Variants in PIK3CB observed in about 807,000 individuals in gnomAD.
The protein encoded by PIK3CB is phosphatidylinositol 4,5-bisphosphate 3-kinase catalytic subunit beta isoform.
PIK3CB carries 39 observed loss-of-function variants against 136.8 expected under a neutral mutation model. The ratio of observed to expected loss-of-function variants is 0.29; its 90% confidence interval spans 0.22 to 0.37. The LOEUF (loss-of-function observed/expected upper bound fraction) is 0.37, where lower values mean the gene tolerates loss of function less well. PIK3CB is among the 10% of genes least tolerant of loss of function. PIK3CB has a pLI of 1.00. For missense variants in PIK3CB, 868 were observed against 1,275.4 expected, an observed-to-expected ratio of 0.68 and a Z score of 4.87; for synonymous variants, 428 against 436.6, an observed-to-expected ratio of 0.98 and a Z score of 0.25.
intron 1 of PIK3CB, chr3:138,824,979 G>C: frequency 5.1e-6 from 1 of 196,568 alleles, no homozygotes; most frequent in Non-Finnish European, 1.1e-5. Context: ...AGGATCACTT[G>C]AACCTGGGGA....
intron 20 of PIK3CB, 119 bp downstream of exon 20, chr3:138,664,917 A>C (rs1344812087): frequency 8.9e-6 from 5 of 561,354 alleles, no homozygotes; most frequent in Non-Finnish European, 1.5e-5. Context: ...ACAAGAAATG[A>C]AGCAATAGAT....
chr3:138,715,943 A>G (rs1264239003), intron 8 of PIK3CB, among the ~76,000 whole-genome samples: 1 of 152,106 alleles, frequency 6.6e-6, no homozygotes, highest in East Asian at 1.9e-4. Flanking sequence ...TAAATGATTA[A>G]AAGCTAAAGA....
intron 2 of PIK3CB, among the ~76,000 whole-genome samples, chr3:138,781,506 G>A (rs965775369): frequency 2.1e-4 from 32 of 151,498 alleles, no homozygotes; most frequent in African/African-American, 7.7e-4. Flanking sequence ...AGGCTGGAGT[G>A]CAGTGGTGCA....
At position 138,707,290 on chromosome 3, in the gene PIK3CB, C is replaced by G; in HGVS notation, c.1400-1G>C. 4 of 1,587,838 alleles carry G rather than the reference C, an allele frequency of 2.5e-6. No homozygotes were observed. The highest frequency in any genetic ancestry group is 2.3e-5 in the East Asian group (1 of 44,382). On this transcript the variant is annotated splice_acceptor_variant, in intron 10 of 23. Coordinates refer to ENST00000674063, the MANE Select transcript of PIK3CB (RefSeq NM_006219.3). LOFTEE classifies it high-confidence loss of function. ...GGATTCAACATTTCTTCGAGTTCATCTAAAACATGCAAATAATTTTGGTTC... is the reference window on the plus strand; with the variant it reads ...GGATTCAACATTTCTTCGAGTTCATGTAAAACATGCAAATAATTTTGGTTC...
chr3:138,707,235 G>C lies in PIK3CB; in HGVS notation c.1454C>G (p.Thr485Ser). Reference protein sequence around the residue: ...PMGTVQTNPYTENATALHVKF... With the variant: ...PMGTVQTNPYSENATALHVKF... ...AACATGCAAAGCTGTTGCATTTTCA[G>C]TATATGGATTTGTTTGAACAGTTCC... Residue 485 changes from threonine (T) to serine (S), a missense_variant, in exon 11 of 24, where the codon ACT (threonine) becomes AGT (serine). This residue lies in a region of PIK3CB where 612 missense variants were observed against 801.1 expected (regional missense o/e 0.76). Coordinates refer to ENST00000674063, the MANE Select transcript of PIK3CB (RefSeq NM_006219.3). 6.2e-7 allele frequency: 1 copy of C among 1,612,694 alleles called. No individual in the cohort carries two copies. The highest frequency in any genetic ancestry group is 8.5e-7 in the Non-Finnish European group (1 of 1,179,026).
chr3:138,779,969 T>A (rs923546908), intron 2 of PIK3CB, among the ~76,000 whole-genome samples: 1 of 152,130 alleles, frequency 6.6e-6, no homozygotes. Context: ...ACTTTTTTTT[T>A]TCTTTTGAGA....
chr3:138,726,081 T>C (rs930457111), intron 8 of PIK3CB, among the ~76,000 whole-genome samples: 1 of 152,246 alleles, frequency 6.6e-6, no homozygotes, highest in Non-Finnish European at 1.5e-5. Context: ...TTTCAAGTCT[T>C]CTTGCAGGGC....
chr3:138,800,524 C>T (rs1242811676), intron 1 of PIK3CB, among the ~76,000 whole-genome samples: 1 of 150,746 alleles, frequency 6.6e-6, no homozygotes, highest in Non-Finnish European at 1.5e-5. Flanking sequence ...ACTATGTGGT[C>T]CAGGCTGGTC....
At chr3:138,813,973 T>C (rs1010718108) in intron 1 of PIK3CB, among the ~76,000 whole-genome samples, 4 of 152,074 alleles carry the variant, frequency 2.6e-5, no homozygotes, top group African/African-American at 9.7e-5. Flanking sequence ...AAGAGCCAAG[T>C]TGGGGACAGG....
At position 138,834,235 on chromosome 3, in the gene PIK3CB, G is replaced by A. The variant is rs140713823; in HGVS notation, c.-122+460C>T. On this transcript the variant is annotated intron_variant, in intron 1 of 23. Transcript: ENST00000674063. ...CCAGGACTGGTCAGCAGCGGCGTTG[G>A]GATTCGAAAACATGTCCATAACCTA... is the stretch of plus-strand genomic sequence containing the variant. Among the ~76,000 whole-genome samples the A allele has an allele frequency of 2.9e-3, 446 of 152,348 alleles. 1 individual carries two copies. The highest frequency in any genetic ancestry group is 5.4e-3 in the Non-Finnish European group (368 of 68,028).
rs552966643 is a variant in PIK3CB at position 138,761,639 on chromosome 3, G to A, written c.-16-2280C>T. 1.5e-4 allele frequency among the ~76,000 whole-genome samples: 23 copies of A among 151,424 alleles called. No homozygotes were observed. In the East Asian group the frequency reaches 3.5e-3, roughly 23 times the overall value. ...ACAAAAATTAGCCAGGCATGGTGGC[G>A]GGTGCCTGTAATCCCAGCTACTCAG... On this transcript the variant is annotated intron_variant, in intron 2 of 23. Transcript: ENST00000674063.
chr3:138,795,323 TAAA>T (rs56912195), intron 2 of PIK3CB, among the ~76,000 whole-genome samples: 26 of 112,352 alleles, frequency 2.3e-4, no homozygotes, highest in Admixed American at 6.0e-4. Flanking sequence ...CTCTGTCTTT[TAAA>T]AAAAAAAAAA....
chr3:138,768,685 G>A (rs1461795542), intron 2 of PIK3CB, among the ~76,000 whole-genome samples: 7 of 152,184 alleles, frequency 4.6e-5, no homozygotes, highest in Admixed American at 6.5e-5. Context: ...GCTGCCCTCA[G>A]CCTCCCCTCA....
intron 2 of PIK3CB, among the ~76,000 whole-genome samples, chr3:138,787,021 G>T (rs2045988067): frequency 1.3e-5 from 2 of 152,130 alleles, no homozygotes; most frequent in South Asian, 4.1e-4. Context: ...CAAAGGACCA[G>T]AAACAGTAAG....
chr3:138,681,911 A>G (rs1046878798), intron 19 of PIK3CB, 56 bp downstream of exon 19: 11 of 1,013,232 alleles, frequency 1.1e-5, no homozygotes, highest in East Asian at 2.4e-5. Context: ...GAAATTCTAG[A>G]TATTTTTGCT....
chr3:138,790,648 C>CA lies in PIK3CB; in HGVS notation c.-17+5814dup, dbSNP rs770490275. On this transcript the variant is annotated intron_variant, in intron 2 of 23. Transcript: ENST00000674063. ...TGAAACCCCATCTCTACTAAAAATACAAAAAAAAAAAAAAAATTAACTGGG... is the reference window on the plus strand; with the variant it reads ...TGAAACCCCATCTCTACTAAAAATACAAAAAAAAAAAAAAAAATTAACTGGG... Among the ~76,000 whole-genome samples, 891 of 98,574 alleles carry CA rather than the reference C, an allele frequency of 9.0e-3. 5 individuals are homozygous for CA. Among genetic ancestry groups the CA allele is most frequent in the African/African-American group, 0.024 (641 of 26,694 alleles). 64.7% of individuals were successfully genotyped at this position (98,574 alleles called of 152,430 possible).
chr3:138,746,257 TCTC>T (rs911320415), intron 4 of PIK3CB, among the ~76,000 whole-genome samples: 27 of 152,140 alleles, frequency 1.8e-4, no homozygotes, highest in Non-Finnish European at 1.9e-4. Flanking sequence ...AGGTATCTAT[TCTC>T]CTCAGTGATT....
intron 1 of PIK3CB, among the ~76,000 whole-genome samples, chr3:138,814,615 A>G (rs1933214220): frequency 6.6e-6 from 1 of 151,486 alleles, no homozygotes; most frequent in Non-Finnish European, 1.5e-5. Flanking sequence ...GATTTCCCCA[A>G]CCCTCCACCT....
At chr3:138,829,073 A>G (rs1933915360) in intron 1 of PIK3CB, among the ~76,000 whole-genome samples, 1 of 150,528 alleles carries the variant, frequency 6.6e-6, no homozygotes, top group South Asian at 2.1e-4. Context: ...AAGTTCTGGG[A>G]TTACAAGCGT....
Sources: gnomAD v4.1 joint callset for allele counts (sites outside exome capture counted in the v4.1 genomes callset) on GRCh38, gnomAD v4.1.1 for gene constraint, gnomAD v4.1.1 regional missense constraint, MANE v1.5 for transcripts, NCBI Gene and HGNC (gene_info 2026-07-23, HGNC 2026-07-21) for gene names.